CRISPLD2: variants seen among roughly 807,000 people sequenced by gnomAD.
CRISPLD2 encodes the protein cysteine rich secretory protein LCCL domain containing 2.
Under a neutral mutation model 71.1 loss-of-function variants are expected in CRISPLD2, and 47 were observed. That is an observed-to-expected ratio of 0.66 (90% CI 0.52 to 0.84). The LOEUF (loss-of-function observed/expected upper bound fraction) is 0.84. Ranked by LOEUF, CRISPLD2 falls within the 40% of genes least tolerant of loss-of-function variation. The pLI, the probability that CRISPLD2 is intolerant of heterozygous loss-of-function variation, is 0.00. For synonymous variants in CRISPLD2, 317 were observed against 250.1 expected, an observed-to-expected ratio of 1.27 and a Z score of -2.52; for missense variants, 830 against 651.1, an observed-to-expected ratio of 1.27 and a Z score of -2.99.
intron 1 of CRISPLD2, among the ~76,000 whole-genome samples, chr16:84,829,823 C>G (rs551654240): frequency 2.6e-5 from 4 of 152,364 alleles, no homozygotes; most frequent in African/African-American, 9.6e-5. Flanking sequence ...GTGGCCTCAT[C>G]AGTTTGTGGA....
At chr16:84,868,334 C>G (rs1219097754) in intron 7 of CRISPLD2, among the ~76,000 whole-genome samples, 1 of 152,214 alleles carries the variant, frequency 6.6e-6, no homozygotes, top group Admixed American at 6.5e-5. Context: ...CTCCGAGACT[C>G]TGATATGTTC....
At position 84,854,612 on chromosome 16, in the gene CRISPLD2, T is replaced by C. The variant is rs1181687132; in HGVS notation, c.609-117T>C. Reference sequence around the variant, plus strand: ...TCCCGCTTCCCACAGCACACAACCTTCCCCCCTGACCTGTCAGTGGCGGTG... The same window carrying C: ...TCCCGCTTCCCACAGCACACAACCTCCCCCCCTGACCTGTCAGTGGCGGTG... On this transcript the variant is annotated intron_variant, in intron 5 of 14. Coordinates refer to ENST00000262424, the MANE Select transcript of CRISPLD2 (RefSeq NM_031476.4). The C allele has an allele frequency of 5.4e-6, 4 of 738,388 alleles. No individual in the cohort carries two copies. In the East Asian group the frequency reaches 7.4e-5, roughly 14 times the overall value. 45.7% of individuals were successfully genotyped at this position (738,388 alleles called of 1,614,324 possible). A position where few individuals can be genotyped will look rare whatever the true frequency, so the allele number is the denominator to read the frequency against.
rs2071819003 is a variant in CRISPLD2 at position 84,907,883 on chromosome 16, A to T, written c.*1241A>T. On this transcript the variant is annotated 3_prime_UTR_variant, in exon 15 of 15. Transcript: ENST00000262424. ...AGTGTAGTACACCCTGGCTGCCATC[A>T]CTCTATAAAAGTGCTTCATGAGCCC... 6.6e-6 allele frequency: 1 copy of T among 152,164 alleles called. No individual in the cohort carries two copies. Among genetic ancestry groups the T allele is most frequent in the Non-Finnish European group, 1.5e-5 (1 of 68,042 alleles). 9.4% of individuals were successfully genotyped at this position (152,164 alleles called of 1,614,324 possible).
chr16:84,845,858 A>G lies in CRISPLD2; in HGVS notation c.313A>G (p.Ser105Gly), dbSNP rs12051468. ...GTGCATCTGGGAGCACGGGCCCACC[A>G]GTCTGCTGGTGTCCATCGGGCAGAA... Reference protein sequence around the residue: ...SQCIWEHGPTSLLVSIGQNLG... With the variant: ...SQCIWEHGPTGLLVSIGQNLG... The change falls in exon 3 of 15, where the codon AGT (serine) becomes GGT (glycine). Residue 105 changes from serine (S) to glycine (G), a missense_variant. Physicochemically the swap from Ser to Gly is moderately conservative, Grantham distance 56. Transcript: ENST00000262424. 0.42 allele frequency: 680,436 copies of G among 1,612,638 alleles called. 146,223 individuals carry two copies. Among genetic ancestry groups the G allele is most frequent in the South Asian group, 0.45 (41,374 of 91,010 alleles).
At chr16:84,903,326 C>G (rs1443805577) in intron 14 of CRISPLD2, among the ~76,000 whole-genome samples, 1 of 152,070 alleles carries the variant, frequency 6.6e-6, no homozygotes, top group Non-Finnish European at 1.5e-5. Context: ...CCTGTAATCC[C>G]AGCACTTTGG....
intron 3 of CRISPLD2, among the ~76,000 whole-genome samples, chr16:84,847,672 A>G (rs2143204531): frequency 6.6e-6 from 1 of 152,020 alleles, no homozygotes; most frequent in East Asian, 1.9e-4. Context: ...AAAATCTTAC[A>G]ATAACATGAA....
Position 84,873,119 on chromosome 16 carries a change from T to G in CRISPLD2, c.1109T>G (p.Leu370Arg). 1 of 1,612,918 alleles carries G rather than the reference T, an allele frequency of 6.2e-7. No individual in the cohort carries two copies. The highest frequency in any genetic ancestry group is 8.5e-7 in the Non-Finnish European group (1 of 1,179,568). Residue 370 changes from leucine (L) to arginine (R), a missense_variant, in exon 10 of 15, where the codon CTC becomes CGC. Physicochemically the swap from Leu to Arg is moderately radical, Grantham distance 102. Coordinates refer to ENST00000262424, the MANE Select transcript of CRISPLD2 (RefSeq NM_031476.4). ...TCTGAGAGACACGGCGTGCAGTCCC[T>G]CAGGTAACTACTCTGTGATCGGGGC... ...VKSERHGVQS[L>R]SKYKPSSSFM... is the part of the protein sequence containing the mutation.
At chr16:84,905,218 G>A (rs901683199) in intron 14 of CRISPLD2, among the ~76,000 whole-genome samples, 6 of 152,150 alleles carry the variant, frequency 3.9e-5, no homozygotes, top group African/African-American at 7.2e-5. Context: ...AGTAAGCCAC[G>A]ATCATGCCAC....
chr16:84,871,662 C>A (rs938288624), intron 8 of CRISPLD2, among the ~76,000 whole-genome samples: 1 of 152,070 alleles, frequency 6.6e-6, no homozygotes, highest in Non-Finnish European at 1.5e-5. Flanking sequence ...AGTGACTTTC[C>A]TGCCTCAGCC....
At chr16:84,903,546 C>T (rs1020254357) in intron 14 of CRISPLD2, among the ~76,000 whole-genome samples, 2 of 149,580 alleles carry the variant, frequency 1.3e-5, no homozygotes, top group African/African-American at 2.5e-5. Context: ...GAGCCGAGAT[C>T]ACACCGTTGC....
intron 8 of CRISPLD2, among the ~76,000 whole-genome samples, 190 bp from the exon 9 acceptor site, chr16:84,872,252 A>G (rs1335889264): frequency 2.0e-5 from 3 of 152,194 alleles, no homozygotes; most frequent in African/African-American, 7.2e-5. Flanking sequence ...CCGAGGGACG[A>G]CTGTATTGTG....
chr16:84,842,430 A>G (rs1250372005), intron 2 of CRISPLD2, among the ~76,000 whole-genome samples: 2 of 144,744 alleles, frequency 1.4e-5, no homozygotes, highest in Non-Finnish European at 3.0e-5. Flanking sequence ...GCTGGAGTGC[A>G]GTGGTGCTAT....
intron 6 of CRISPLD2, among the ~76,000 whole-genome samples, chr16:84,863,825 G>A (rs1032692332): frequency 3.3e-5 from 5 of 151,942 alleles, no homozygotes; most frequent in African/African-American, 7.3e-5. Flanking sequence ...ACAATTAGCC[G>A]GGCATGGTGG....
chr16:84,877,417 C>T (rs1426444785), intron 11 of CRISPLD2, 21 bp from the exon 12 acceptor site: 1 of 1,611,858 alleles, frequency 6.2e-7, no homozygotes. Context: ...CTGACCCTTT[C>T]CCCCTTGCTC....
chr16:84,877,361 G>A (rs571796651), intron 11 of CRISPLD2, 77 bp from the exon 12 acceptor site: 423 of 1,315,100 alleles, frequency 3.2e-4, no homozygotes, highest in Middle Eastern at 3.8e-4. Flanking sequence ...GTAGTCTAGT[G>A]GCCCATTGCA....
At chr16:84,844,736 C>T (rs1037902439) in intron 2 of CRISPLD2, among the ~76,000 whole-genome samples, 1 of 152,124 alleles carries the variant, frequency 6.6e-6, no homozygotes, top group Non-Finnish European at 1.5e-5. Flanking sequence ...GCTGTGTTGC[C>T]CTGCGGGTGG....
intron 10 of CRISPLD2, among the ~76,000 whole-genome samples, chr16:84,873,678 C>G (rs2071494397): frequency 6.6e-6 from 1 of 151,874 alleles, no homozygotes; most frequent in African/African-American, 2.4e-5. Context: ...CATTTGAAAA[C>G]CATTATTCTT....
At chr16:84,846,172 TTCCTTCTTCC>T (rs1024881763) in intron 3 of CRISPLD2, 1 of 315,250 alleles carries the variant, frequency 3.2e-6, no homozygotes, top group Non-Finnish European at 5.9e-6. Context: ...CCTTCTTCCT[TTCCTTCTTCC>T]TTTCCTTCCT....
chr16:84,840,018 CAA>C (rs5818511), intron 2 of CRISPLD2: 1,898 of 134,494 alleles, frequency 0.014, 30 homozygotes, highest in African/African-American at 0.038. Flanking sequence ...GACCCTGTCT[CAA>C]AAAAAAAAAA....
Sources: allele counts gnomAD v4.1 joint callset (sites outside exome capture counted in the v4.1 genomes callset), GRCh38; gene constraint gnomAD v4.1.1; transcripts MANE v1.5; gene names NCBI Gene and HGNC (gene_info 2026-07-23, HGNC 2026-07-21).